The following SIRT7 variants were observed in gnomAD, a reference collection of about 807,000 sequenced individuals.
SIRT7 encodes sirtuin 7.
A neutral mutation model predicts 42.8 loss-of-function variants in SIRT7; 32 were observed. The observed-to-expected ratio is 0.75, with a 90% CI of 0.56 to 1.00. The LOEUF (loss-of-function observed/expected upper bound fraction) is 1.00. Ranked by LOEUF, SIRT7 falls within the 50% of genes least tolerant of loss-of-function variation. The pLI is 0.00. For missense variants in SIRT7, 553 were observed against 572.2 expected, an observed-to-expected ratio of 0.97 and a Z score of 0.34; for synonymous variants, 297 against 245.2, an observed-to-expected ratio of 1.21 and a Z score of -1.97.
chr17:81,912,672 G>A lies in SIRT7; in HGVS notation c.1005-58C>T, dbSNP rs993349799. On this transcript the variant is annotated intron_variant, in intron 9 of 9. Transcript: ENST00000328666. Reference sequence around the variant, plus strand: ...CTGGGAGCCTCTCGCAGTCACACCTGCCCCAGCTCGGGAAAGCTGTCTGCG... The same window carrying A: ...CTGGGAGCCTCTCGCAGTCACACCTACCCCAGCTCGGGAAAGCTGTCTGCG... 21 of 1,545,794 alleles carry A rather than the reference G, an allele frequency of 1.4e-5. No homozygotes were observed. In the Admixed American group the frequency reaches 3.6e-4, roughly 27 times the overall value.
chr17:81,912,606 T>A lies in SIRT7; in HGVS notation c.1013A>T (p.Asp338Val), dbSNP rs772607546. ...LEIPAYSRWQ[D>V]PIFSLATPLR... The stretch of plus-strand genomic sequence containing the variant: ...GGGAGTCGCCAGTGAGAAAATGGGA[T>A]CCTGCCACCTGCCAAAAAGGGAAAG... The change falls in exon 10 of 10, where the codon GAT becomes GTT. Residue 338 changes from aspartate (D) to valine (V), a missense_variant. By Grantham distance (152) the Asp-to-Val change is radical (BLOSUM62 -3). Coordinates refer to ENST00000328666, the MANE Select transcript of SIRT7 (RefSeq NM_016538.3). 1 of 1,613,008 alleles carries A rather than the reference T, an allele frequency of 6.2e-7. No individual in the cohort carries two copies. Among genetic ancestry groups the A allele is most frequent in the Non-Finnish European group, 8.5e-7 (1 of 1,179,844 alleles).
rs569030690 is a variant in SIRT7 at position 81,912,862 on chromosome 17, G to A, written c.1005-248C>T. 185 of 573,412 alleles carry A rather than the reference G, an allele frequency of 3.2e-4. 1 individual carries two copies. The Middle Eastern group carries it at 4.3e-3, about 13-fold the overall frequency. 35.5% of individuals were successfully genotyped at this position (573,412 alleles called of 1,614,324 possible). A position where few individuals can be genotyped will look rare whatever the true frequency, so the allele number is the denominator to read the frequency against. ...ACTAGCTCGGTCTCCTCAAAACTCC[G>A]TGTCCTTGTCCACCACTGAGCGGCG... On this transcript the variant is annotated intron_variant, in intron 9 of 9. Coordinates refer to ENST00000328666, the MANE Select transcript of SIRT7 (RefSeq NM_016538.3).
rs2040680920 is a variant in SIRT7, at chr17:81,912,272, C to T, written c.*144G>A. On this transcript the variant is annotated 3_prime_UTR_variant, in exon 10 of 10. Coordinates refer to ENST00000328666, the MANE Select transcript of SIRT7 (RefSeq NM_016538.3). ...ACAACCGCAGCAGTGCAAGGGGCTT[C>T]CTCAAGGACAAATGGCTAAAAATGT... 17 of 1,062,240 alleles carry T rather than the reference C, an allele frequency of 1.6e-5. 1 individual carries two copies. Among genetic ancestry groups the T allele is most frequent in the Non-Finnish European group, 2.4e-5 (17 of 707,728 alleles). 65.8% of individuals were successfully genotyped at this position (1,062,240 alleles called of 1,614,324 possible).
At chr17:81,917,150 C>T (rs921393160) in intron 3 of SIRT7, 1 of 153,374 alleles carries the variant, frequency 6.5e-6, no homozygotes, top group Non-Finnish European at 1.5e-5. Context: ...GCCCAACACC[C>T]CACACACACC....
At chr17:81,915,733 C>T in intron 3 of SIRT7, 52 bp from the exon 4 acceptor site, 1 of 1,589,392 alleles carries the variant, frequency 6.3e-7, no homozygotes, top group African/African-American at 1.3e-5. Context: ...ACTGTAGGTA[C>T]TGGCAGAATT....
intron 7 of SIRT7, 26 bp from the exon 8 acceptor site, chr17:81,914,193 G>GCA (rs1194822252): frequency 6.2e-7 from 1 of 1,613,452 alleles, no homozygotes; most frequent in Non-Finnish European, 8.5e-7. Flanking sequence ...GACAGACACC[G>GCA]CACACACACA....
At position 81,913,315 on chromosome 17, in the gene SIRT7, G is replaced by C. The variant is rs960823521; in HGVS notation, c.1004+459C>G. Reference sequence around the variant, plus strand: ...GACCCTGAAAATTCACAGAGAAAGAGAGTGTAAACTTTTTACTCAATACAT... The same window carrying C: ...GACCCTGAAAATTCACAGAGAAAGACAGTGTAAACTTTTTACTCAATACAT... On this transcript the variant is annotated intron_variant, in intron 9 of 9. Coordinates refer to ENST00000328666, the MANE Select transcript of SIRT7 (RefSeq NM_016538.3). This position sits in a 1 kb window ranked among gnomAD's most constrained non-coding sequence, Gnocchi z 5.0. 2 of 455,810 alleles carry C rather than the reference G, an allele frequency of 4.4e-6. No homozygotes were observed. The highest frequency in any genetic ancestry group is 8.8e-6 in the Non-Finnish European group (2 of 227,196). 28.2% of individuals were successfully genotyped at this position (455,810 alleles called of 1,614,324 possible).
At chr17:81,912,879 T>C in intron 9 of SIRT7, 1 of 535,694 alleles carries the variant, frequency 1.9e-6, no homozygotes, top group South Asian at 2.0e-5. Context: ...TGTCCACCAC[T>C]GAGCGGCGTG....
At position 81,912,318 on chromosome 17, in the gene SIRT7, C is replaced by A; in HGVS notation, c.*98G>T. On this transcript the variant is annotated 3_prime_UTR_variant, in exon 10 of 10. Coordinates refer to ENST00000328666, the MANE Select transcript of SIRT7 (RefSeq NM_016538.3). ...AATGTCACGGTGAAAATGTCATCCC[C>A]AAAGAGTTCGTTCTCCCTAGACCCG... The A allele has an allele frequency of 6.9e-7, 1 of 1,445,418 alleles. No homozygotes were observed. The highest frequency in any genetic ancestry group is 1.1e-5 in the South Asian group (1 of 86,962). 89.5% of individuals were successfully genotyped at this position (1,445,418 alleles called of 1,614,324 possible).
chr17:81,912,757 G>T lies in SIRT7; in HGVS notation c.1005-143C>A. ...AACTGCGGCGGGGCTCTGGTTGGCG[G>T]CAGCTTCATTGTTACCAAGCTGCAG... On this transcript the variant is annotated intron_variant, in intron 9 of 9. Coordinates refer to ENST00000328666, the MANE Select transcript of SIRT7 (RefSeq NM_016538.3). 4.6e-6 allele frequency: 4 copies of T among 872,214 alleles called. No individual in the cohort carries two copies. In the South Asian group the frequency reaches 5.9e-5, roughly 13 times the overall value. 54.0% of individuals were successfully genotyped at this position (872,214 alleles called of 1,614,324 possible).
intron 3 of SIRT7, 163 bp from the exon 4 acceptor site, chr17:81,915,844 A>G: frequency 1.3e-6 from 1 of 742,902 alleles, no homozygotes; most frequent in Non-Finnish European, 2.3e-6. Flanking sequence ...GCCCATATGG[A>G]GTGTACCCCA....
At chr17:81,912,640 G>A (rs2040701645) in intron 9 of SIRT7, 26 bp from the exon 10 acceptor site, 6 of 1,599,918 alleles carry the variant, frequency 3.8e-6, no homozygotes, top group South Asian at 1.1e-5. Context: ...AGCGGCATCA[G>A]GCGGGCCTGG....
At position 81,912,550 on chromosome 17, in the gene SIRT7, G is replaced by T. The variant is rs201850684; in HGVS notation, c.1069C>A (p.Arg357=). 3.7e-6 allele frequency: 6 copies of T among 1,613,680 alleles called. No homozygotes were observed. In the East Asian group the frequency reaches 1.3e-4, roughly 36 times the overall value. The change falls in exon 10 of 10, where the codon CGG becomes AGG. Residue 357 remains arginine (R), a synonymous_variant. Coordinates refer to ENST00000328666, the MANE Select transcript of SIRT7 (RefSeq NM_016538.3). ...LRAGEEGSHS[R]KSLCRSREEA... ...TCTCTGCTTCTGCACAGCGACTTCC[G>T]ACTGTGGCTGCCTTCTTCACCAGCA...
rs748589181 is a variant in SIRT7, at chr17:81,914,346, G to A, written c.764C>T (p.Thr255Ile). The change falls in exon 7 of 10, where the codon ACC becomes ATC. Residue 255 changes from threonine to isoleucine, a missense_variant. Coordinates refer to ENST00000328666, the MANE Select transcript of SIRT7 (RefSeq NM_016538.3). ...GGTGTCTGCTCTGCTGGCAGCCTCG[G>A]TCGCCGCTTCCCAGTTCAAAGGCTG... The part of the protein sequence containing the change: ...LGQPLNWEAA[T>I]EAASRADTIL... 3 of 1,612,964 alleles carry A rather than the reference G, an allele frequency of 1.9e-6. No homozygotes were observed. The highest frequency in any genetic ancestry group is 2.5e-6 in the Non-Finnish European group (3 of 1,179,992).
chr17:81,914,070 C>G lies in SIRT7; in HGVS notation c.897+17G>C. The G allele has an allele frequency of 6.2e-7, 1 of 1,613,254 alleles. No homozygotes were observed. The highest frequency in any genetic ancestry group is 8.5e-7 in the Non-Finnish European group (1 of 1,179,962). On this transcript the variant is annotated intron_variant, in intron 8 of 9. Transcript: ENST00000328666. ...AAGACCCAGATCTAAGGACGTGGCT[C>G]TCAGCACCCGAGTTACCTGCAGGTT...
rs757515010 is a variant in SIRT7 at position 81,918,149 on chromosome 17, G to C, written c.-18C>G. 3.9e-6 allele frequency: 6 copies of C among 1,535,440 alleles called. No individual in the cohort carries two copies. Among genetic ancestry groups the C allele is most frequent in the Middle Eastern group, 2.3e-4 (1 of 4,290 alleles). On this transcript the variant is annotated 5_prime_UTR_variant, in exon 1 of 10. Transcript: ENST00000328666. ...GCTGCCATCGCTCCCCTGGAGACCT[G>C]CTCTTCCGCTTCCGCCTCACACGGC...
Position 81,917,914 on chromosome 17 carries a change from C to T in SIRT7, c.147G>A (p.Arg49=). 2 of 1,418,804 alleles carry T rather than the reference C, an allele frequency of 1.4e-6. No individual in the cohort carries two copies. Among genetic ancestry groups the T allele is most frequent in the South Asian group, 1.4e-5 (1 of 68,968 alleles). 87.9% of individuals were successfully genotyped at this position (1,418,804 alleles called of 1,614,324 possible). ...CCAGGTCCGCGCTCTCGGCCAGCAGCCGGCCCTCCTCGGCGCTGCGCTCCG... is the reference window on the plus strand; with the variant it reads ...CCAGGTCCGCGCTCTCGGCCAGCAGTCGGCCCTCCTCGGCGCTGCGCTCCG... ...AAAERSAEEG[R]LLAESADLVT... Residue 49 remains arginine (R), a synonymous_variant, in exon 2 of 10, where the codon CGG becomes CGA. Coordinates refer to ENST00000328666, the MANE Select transcript of SIRT7 (RefSeq NM_016538.3).
rs202227575 is a variant in SIRT7, at chr17:81,914,609, T to C, written c.574A>G (p.Ile192Val). The change falls in exon 6 of 10, where the codon ATT (isoleucine) becomes GTT (valine). Residue 192 changes from isoleucine (I) to valine (V), a missense_variant. Transcript: ENST00000328666. ...GTCCCTGCAGGACTGCTCACTTCAA[T>C]GTACATGTTCCCGTGGAGCTCGGAG... ...AISELHGNMY[I>V]EVCTSCVPNR... 3.7e-6 allele frequency: 6 copies of C among 1,613,176 alleles called. No homozygotes were observed. Among genetic ancestry groups the C allele is most frequent in the Non-Finnish European group, 4.2e-6 (5 of 1,179,964 alleles).
chr17:81,913,732 A>G lies in SIRT7; in HGVS notation c.1004+42T>C. The stretch of plus-strand genomic sequence containing the variant: ...AGAGAAGACAGACAAGGCCCAGCAC[A>G]CAGAGGTGCGGGGAAGCAGGCTGCT... On this transcript the variant is annotated intron_variant, in intron 9 of 9. Transcript: ENST00000328666. The surrounding 1 kb of genome is among the most constrained non-coding windows in gnomAD (Gnocchi z 5.0). 1.4e-6 allele frequency: 2 copies of G among 1,473,502 alleles called. No homozygotes were observed. The highest frequency in any genetic ancestry group is 9.3e-7 in the Non-Finnish European group (1 of 1,078,790). 91.3% of individuals were successfully genotyped at this position (1,473,502 alleles called of 1,614,324 possible).
Sources: gnomAD v4.1 joint callset for allele counts on GRCh38, gnomAD v4.1.1 for gene constraint, Gnocchi (gnomAD v3.1) non-coding constraint, MANE v1.5 for transcripts, NCBI Gene and HGNC (gene_info 2026-07-23, HGNC 2026-07-21) for gene names.